S100PBP: variants seen among roughly 807,000 people sequenced by gnomAD.
S100PBP encodes S100P binding protein.
Under a neutral mutation model 39.9 loss-of-function variants are expected in S100PBP, and 15 were observed. The ratio of observed to expected loss-of-function variants is 0.38; its 90% CI spans 0.25 to 0.58. The LOEUF (loss-of-function observed/expected upper bound fraction) is 0.58. Among genes scored for constraint, S100PBP ranks in the 20% least tolerant of loss-of-function variants. The pLI is 0.70. For synonymous variants in S100PBP, 178 were observed against 180.3 expected, an observed-to-expected ratio of 0.99 and a Z score of 0.10; for missense variants, 504 against 487.3, an observed-to-expected ratio of 1.03 and a Z score of -0.32.
chr1:32,833,119 C>T (rs1400630289), intron 5 of S100PBP, among the ~76,000 whole-genome samples: 3 of 152,100 alleles, frequency 2.0e-5, no homozygotes, highest in Non-Finnish European at 1.5e-5. Flanking sequence ...TCTTTAATCT[C>T]CTAACACATA....
Position 32,825,423 on chromosome 1 carries a change from C to A in S100PBP, c.-9C>A, listed in dbSNP as rs956304009. The A allele has an allele frequency of 6.6e-6, 1 of 152,172 alleles. No homozygotes were observed. Among genetic ancestry groups the A allele is most frequent in the Admixed American group, 6.5e-5 (1 of 15,276 alleles). The allele number at this position is 152,172 out of a possible 1,614,324, so 9.4% of individuals were successfully genotyped here. The stretch of plus-strand genomic sequence containing the variant: ...AAAGGCAGAGATTGCTCCAGCAGCT[C>A]CACACAGTATGGAAGACAGTTATTT... On this transcript the variant is annotated 5_prime_UTR_variant, in exon 2 of 7. Coordinates refer to ENST00000373475, the MANE Select transcript of S100PBP (RefSeq NM_022753.4).
At chr1:32,822,925 T>C (rs914499409) in intron 1 of S100PBP, among the ~76,000 whole-genome samples, 2 of 152,206 alleles carry the variant, frequency 1.3e-5, no homozygotes, top group East Asian at 1.9e-4. Flanking sequence ...TTGCACAGTT[T>C]GTTATAGATT....
intron 5 of S100PBP, chr1:32,836,510 C>G (rs1639825426): frequency 1.0e-6 from 1 of 971,528 alleles, no homozygotes; most frequent in Non-Finnish European, 1.2e-6. Flanking sequence ...GTTTTTGTGT[C>G]CCAACTAAGT....
chr1:32,832,564 C>T (rs979179273), intron 5 of S100PBP, among the ~76,000 whole-genome samples: 5 of 152,060 alleles, frequency 3.3e-5, no homozygotes, highest in Non-Finnish European at 7.4e-5. Context: ...TGAAGTTTTT[C>T]TATCACTTCC....
intron 5 of S100PBP, among the ~76,000 whole-genome samples, chr1:32,841,460 T>C (rs1640091322): frequency 1.3e-5 from 2 of 152,110 alleles, no homozygotes; most frequent in South Asian, 4.1e-4. Context: ...TGGGAAGCAG[T>C]GGCTCACACC....
At chr1:32,851,508 A>G (rs917328748) in intron 5 of S100PBP, among the ~76,000 whole-genome samples, 5 of 152,060 alleles carry the variant, frequency 3.3e-5, no homozygotes, top group African/African-American at 1.2e-4. Flanking sequence ...TCTACTAAAA[A>G]TACAAAAATT....
At chr1:32,816,791 G>A (rs16835176), upstream of S100PBP, 37,503 of 272,960 alleles carry the variant, frequency 0.14, 3,256 homozygotes, top group African/African-American at 0.23. Flanking sequence ...AAAGCTCCCA[G>A]TATAGCATCT....
At chr1:32,841,729 C>CAAAAAAAAAAAAAAAAAAAAAAAAAAAA (rs56267418) in intron 5 of S100PBP, among the ~76,000 whole-genome samples, 1 of 55,168 alleles carries the variant, frequency 1.8e-5, no homozygotes, top group African/African-American at 6.2e-5. Context: ...AACTCTGTCT[C>CAAAAAAAAAAAAAAAAAAAAAAAAAAAA]AAAAAAAAAA....
intron 6 of S100PBP, among the ~76,000 whole-genome samples, chr1:32,853,491 G>A (rs576621707): frequency 2.0e-3 from 37 of 18,404 alleles, no homozygotes; most frequent in African/African-American, 5.5e-3. Context: ...AAGAAAAGGC[G>A]GTGGGGGGGG....
In S100PBP at chr1:32,841,914, T is replaced by C. The variant is rs147795120; in HGVS notation, c.1025-11165T>C. Among the ~76,000 whole-genome samples the C allele has an allele frequency of 1.6e-3, 247 of 150,432 alleles. 2 individuals carry two copies. Among genetic ancestry groups the C allele is most frequent in the African/African-American group, 5.7e-3 (232 of 41,036 alleles). On this transcript the variant is annotated intron_variant, in intron 5 of 6. Coordinates refer to ENST00000373475, the MANE Select transcript of S100PBP (RefSeq NM_022753.4). ...TTTATTCTGTATGTAGTGCAAGATA[T>C]GGATTAAAGCCTGTAATCCCAGCAC... is the stretch of plus-strand genomic sequence containing the variant.
chr1:32,817,387 GA>G (rs770760185), upstream of S100PBP: 49 of 1,029,792 alleles, frequency 4.8e-5, no homozygotes, highest in Middle Eastern at 2.7e-4. Context: ...ACTCGGCCTG[GA>G]CCCCTCCGGC....
At chr1:32,852,601 T>C (rs1392040267) in intron 5 of S100PBP, 1 of 152,450 alleles carries the variant, frequency 6.6e-6, no homozygotes, top group African/African-American at 2.4e-5. Flanking sequence ...TCTTTTGGCA[T>C]CCAACCTCCT....
At chr1:32,837,657 C>T (rs11803353) in intron 5 of S100PBP, among the ~76,000 whole-genome samples, 5 of 151,512 alleles carry the variant, frequency 3.3e-5, no homozygotes, top group African/African-American at 1.2e-4. Context: ...ATCTCTGCCC[C>T]CTCTAATCCC....
intron 5 of S100PBP, among the ~76,000 whole-genome samples, chr1:32,831,777 C>A (rs1297744056): frequency 6.6e-6 from 1 of 152,096 alleles, no homozygotes; most frequent in Non-Finnish European, 1.5e-5. Context: ...TGGAACAGGC[C>A]TAGTCATGTC....
chr1:32,818,882 C>G (rs920456449), intron 1 of S100PBP: 3 of 152,292 alleles, frequency 2.0e-5, no homozygotes, highest in Non-Finnish European at 4.4e-5. Context: ...GGTTGGAAAT[C>G]AAAGGCCAGG....
intron 5 of S100PBP, chr1:32,852,816 A>G (rs1487039313): frequency 2.6e-6 from 1 of 384,864 alleles, no homozygotes. Context: ...CCATATTCCT[A>G]GGGACAAGTA....
At chr1:32,822,616 G>A (rs1213878829) in intron 1 of S100PBP, among the ~76,000 whole-genome samples, 4 of 106,408 alleles carry the variant, frequency 3.8e-5, no homozygotes, top group South Asian at 2.9e-4. Context: ...GCTAGACTCC[G>A]TTTCAAAAAA....
intron 6 of S100PBP, among the ~76,000 whole-genome samples, chr1:32,855,630 A>G (rs1275465836): frequency 6.6e-6 from 1 of 152,086 alleles, no homozygotes; most frequent in African/African-American, 2.4e-5. Context: ...CCCTACTTAA[A>G]CATTATTCTA....
rs193059141 is a variant in S100PBP at position 32,837,346 on chromosome 1, C to T, written c.1024+7279C>T. Among the ~76,000 whole-genome samples the T allele has an allele frequency of 6.1e-3, 899 of 147,762 alleles. 11 individuals are homozygous for T. Among genetic ancestry groups the T allele is most frequent in the African/African-American group, 0.02 (822 of 40,310 alleles). ...TGTTGCCCAGGCTGGAGTGCAGTGG[C>T]GTAATCTGAGCTCACTGCAGCCTCC... On this transcript the variant is annotated intron_variant, in intron 5 of 6. Transcript: ENST00000373475.
Sources: gnomAD v4.1 joint callset for allele counts (sites outside exome capture counted in the v4.1 genomes callset) on GRCh38, gnomAD v4.1.1 for gene constraint, MANE v1.5 for transcripts, NCBI Gene and HGNC (gene_info 2026-07-23, HGNC 2026-07-21) for gene names.